DMD: variants seen among roughly 807,000 people sequenced by gnomAD.
DMD encodes mutant dystrophin.
A neutral mutation model predicts 330.1 loss-of-function variants in DMD; 63 were observed. The observed-to-expected ratio is 0.19, with a 90% CI of 0.16 to 0.24. The LOEUF is 0.24. Ranked by LOEUF, DMD falls within the 10% of genes least tolerant of loss-of-function variation. The probability of loss-of-function intolerance (pLI) is 1.00; values close to 1 mark genes in which losing one functional copy is unlikely to be tolerated. For missense variants in DMD, 3,344 were observed against 2,684.1 expected (o/e 1.25, Z -5.43); for synonymous variants, 1,223 against 959.8 (o/e 1.27, Z -5.07).
intron 44 of DMD, among the ~76,000 whole-genome samples, chrX:31,983,635 T>C (rs1275304152): frequency 1.8e-5 from 2 of 111,756 alleles, no homozygotes; most frequent in Non-Finnish European, 3.8e-5. Flanking sequence ...TCATCTTTTC[T>C]GGCATGATCT....
At chrX:32,631,892 T>A (rs765682129) in intron 11 of DMD, among the ~76,000 whole-genome samples, 4 of 111,163 alleles carry the variant, frequency 3.6e-5, no homozygotes, top group Non-Finnish European at 7.5e-5. Flanking sequence ...ATCCAAACCA[T>A]ACTATTCCAT....
chrX:32,849,859 A>C (rs892695208), intron 2 of DMD, 39 bp from the exon 3 acceptor site: 2 of 949,623 alleles, frequency 2.1e-6, no homozygotes, highest in Non-Finnish European at 3.0e-6. Context: ...AACAAAGCAC[A>C]CTTCCAATGA....
chrX:31,842,888 A>G (rs1411980785), intron 48 of DMD, among the ~76,000 whole-genome samples: 1 of 110,825 alleles, frequency 9.0e-6, no homozygotes, highest in East Asian at 2.8e-4. Flanking sequence ...CTCTTCCCCT[A>G]CTAGTTTCCA....
At chrX:33,024,132 G>A (rs2093959186) in intron 1 of DMD, among the ~76,000 whole-genome samples, 1 of 111,522 alleles carries the variant, frequency 9.0e-6, no homozygotes, top group Non-Finnish European at 1.9e-5. Flanking sequence ...ATTTTGATAC[G>A]TTAACATGAT....
intron 25 of DMD, among the ~76,000 whole-genome samples, chrX:32,458,426 G>T (rs184580908): frequency 1.4e-4 from 15 of 110,989 alleles, no homozygotes; most frequent in Admixed American, 1.3e-3. Flanking sequence ...CCATGTCTTG[G>T]CTATTGTAAA....
At chrX:31,142,018 C>G (rs2036121692) in intron 76 of DMD, among the ~76,000 whole-genome samples, 1 of 111,692 alleles carries the variant, frequency 9.0e-6, no homozygotes, top group Non-Finnish European at 1.9e-5. Flanking sequence ...TACAAAACAT[C>G]TAGCCCGACC....
intron 1 of DMD, among the ~76,000 whole-genome samples, chrX:33,181,084 T>C (rs1335445392): frequency 9.0e-6 from 1 of 110,968 alleles, no homozygotes; most frequent in Admixed American, 9.6e-5. Flanking sequence ...TGTATGTATA[T>C]TTTGGTTGAG....
At chrX:32,159,679 G>A (rs768421967) in intron 44 of DMD, among the ~76,000 whole-genome samples, 2 of 112,017 alleles carry the variant, frequency 1.8e-5, no homozygotes, top group African/African-American at 3.2e-5. Context: ...TCAGCATCCA[G>A]ACAGACAATG....
chrX:32,915,408 G>A (rs1279427988), intron 2 of DMD, among the ~76,000 whole-genome samples: 1 of 112,180 alleles, frequency 8.9e-6, no homozygotes, highest in Non-Finnish European at 1.9e-5. Context: ...TACATTTTGT[G>A]ATTCAGACAT....
chrX:32,780,794 A>C (rs1373353940), intron 7 of DMD, among the ~76,000 whole-genome samples: 1 of 110,405 alleles, frequency 9.1e-6, no homozygotes, highest in African/African-American at 3.3e-5. Flanking sequence ...GCTAATGTAA[A>C]AGCCGTGTCT....
chrX:32,907,997 A>G (rs774861122), intron 2 of DMD, among the ~76,000 whole-genome samples: 3 of 111,198 alleles, frequency 2.7e-5, no homozygotes, highest in Non-Finnish European at 5.7e-5. Context: ...CTCCTGACCT[A>G]CCTCAGCCCA....
At chrX:32,135,651 T>TG (rs1169169243) in intron 44 of DMD, among the ~76,000 whole-genome samples, 2 of 112,180 alleles carry the variant, frequency 1.8e-5, no homozygotes, top group African/African-American at 6.5e-5. Flanking sequence ...TGAGCCTGGA[T>TG]GGTTGAGGCA....
intron 9 of DMD, among the ~76,000 whole-genome samples, chrX:32,647,347 T>C (rs1237487643): frequency 9.0e-6 from 1 of 111,273 alleles, no homozygotes; most frequent in Non-Finnish European, 1.9e-5. Context: ...TCACAGTAAG[T>C]TTAGTAAGAT....
chrX:31,365,126 T>C (rs2059163930), intron 60 of DMD, among the ~76,000 whole-genome samples: 1 of 106,661 alleles, frequency 9.4e-6, no homozygotes, highest in Admixed American at 1.0e-4. Flanking sequence ...ATACTAGATA[T>C]TAGATGCCAC....
chrX:32,165,702 C>G (rs2096865662), intron 44 of DMD, among the ~76,000 whole-genome samples: 1 of 111,455 alleles, frequency 9.0e-6, no homozygotes, highest in Admixed American at 9.5e-5. Context: ...GGGCCAGGAG[C>G]AAAATGATAT....
intron 7 of DMD, among the ~76,000 whole-genome samples, chrX:32,767,537 C>A (rs922872479): frequency 2.7e-5 from 3 of 111,344 alleles, no homozygotes; most frequent in African/African-American, 9.8e-5. Flanking sequence ...CAGACTATTT[C>A]TTCTCTCCTC....
chrX:32,038,338 T>C (rs73454036), intron 44 of DMD, among the ~76,000 whole-genome samples: 1,174 of 111,986 alleles, frequency 0.01, 22 homozygotes, highest in African/African-American at 0.036. Flanking sequence ...CACTTTTTAT[T>C]CTCAAAATAA....
At chrX:32,954,703 C>G (rs963677809) in intron 2 of DMD, among the ~76,000 whole-genome samples, 4 of 110,901 alleles carry the variant, frequency 3.6e-5, no homozygotes, top group African/African-American at 1.3e-4. Context: ...ACCCTCCACC[C>G]TCCAACAGGT....
rs369557915 is a variant in DMD at position 32,489,330 on chromosome X, G to C, written c.2622+1947C>G. Among the ~76,000 whole-genome samples, 5 of 109,472 alleles carry C rather than the reference G, an allele frequency of 4.6e-5. No homozygotes were observed. In the East Asian group the frequency reaches 1.2e-3, roughly 25 times the overall value. ...AATGATGTTTATATGACGTCATCAG[G>C]GTTGGGTAAGGGTGGCGGGGTGGGG... On this transcript the variant is annotated intron_variant, in intron 20 of 78. Coordinates refer to ENST00000357033, the MANE Select transcript of DMD (RefSeq NM_004006.3).
Sources: allele counts gnomAD v4.1 joint callset (sites outside exome capture counted in the v4.1 genomes callset), GRCh38; gene constraint gnomAD v4.1.1; transcripts MANE v1.5; gene names NCBI Gene and HGNC (gene_info 2026-07-23, HGNC 2026-07-21).